HYDIN: variants seen among roughly 807,000 people sequenced by gnomAD.
HYDIN encodes the protein axonemal central pair apparatus protein HYDIN.
A neutral mutation model predicts 403.9 loss-of-function variants in HYDIN; 132 were observed. The ratio of observed to expected loss-of-function variants is 0.33; its 90% CI spans 0.28 to 0.38. The LOEUF (loss-of-function observed/expected upper bound fraction) is 0.38. Among genes scored for constraint, HYDIN ranks in the 10% least tolerant of loss-of-function variants. The pLI, the probability that HYDIN is intolerant of heterozygous loss-of-function variation, is 1.00. For synonymous variants in HYDIN, 1,202 were observed against 1,891.7 expected (o/e 0.64, Z 9.46); for missense variants, 2,827 against 5,009.5 (o/e 0.56, Z 13.15).
chr16:71,105,564 CAGAA>C (rs1320052758), intron 10 of HYDIN, among the ~76,000 whole-genome samples: 1 of 80,538 alleles, frequency 1.2e-5, no homozygotes, highest in African/African-American at 4.9e-5. Context: ...TTATGACTCA[CAGAA>C]AGCAAATGGA....
intron 75 of HYDIN, among the ~76,000 whole-genome samples, chr16:70,848,232 T>C (rs1217421527): frequency 2.1e-5 from 3 of 146,240 alleles, no homozygotes; most frequent in African/African-American, 7.6e-5. Flanking sequence ...TTCTCATACT[T>C]TGCTTTAGTT....
chr16:70,989,961 T>C (rs1158282750), intron 25 of HYDIN, among the ~76,000 whole-genome samples: 1 of 152,210 alleles, frequency 6.6e-6, no homozygotes. Context: ...GTTTGAGAGA[T>C]AACACAGTAG....
intron 84 of HYDIN, chr16:70,817,001 C>G (rs1450553906): frequency 7.4e-6 from 1 of 134,536 alleles, no homozygotes; most frequent in East Asian, 2.0e-4. Context: ...GAGAAAATGC[C>G]TGACTCTATA....
chr16:70,868,853 G>T (rs1290291691), intron 65 of HYDIN, 65 bp from the exon 66 acceptor site: 2 of 1,495,708 alleles, frequency 1.3e-6, no homozygotes, highest in East Asian at 2.5e-5. Context: ...ATACCTGCTG[G>T]TGATATTCTA....
rs764543428 is a variant in HYDIN at position 71,184,848 on chromosome 16, C to T, written c.261+17G>A. 6.3e-6 allele frequency: 10 copies of T among 1,584,352 alleles called. No homozygotes were observed. The highest frequency in any genetic ancestry group is 4.5e-5 in the East Asian group (2 of 44,246). On this transcript the variant is annotated intron_variant, in intron 3 of 85. Transcript: ENST00000393567. Reference sequence around the variant, plus strand: ...CCAGGGCCCACTTTATATGTAAGTACGACAGAGAGCAGCTACCTTCTGATG... The same window carrying T: ...CCAGGGCCCACTTTATATGTAAGTATGACAGAGAGCAGCTACCTTCTGATG...
intron 23 of HYDIN, among the ~76,000 whole-genome samples, chr16:71,011,778 G>A (rs371266090): frequency 2.6e-5 from 4 of 151,116 alleles, no homozygotes; most frequent in Non-Finnish European, 5.9e-5. Context: ...TGAAGACATA[G>A]ATGGAAGCAT....
intron 45 of HYDIN, among the ~76,000 whole-genome samples, chr16:70,922,815 T>C (rs1272949030): frequency 7.2e-6 from 1 of 139,096 alleles, no homozygotes; most frequent in African/African-American, 2.7e-5. Flanking sequence ...TTAGACAAGT[T>C]GGAGTGTAGT....
intron 28 of HYDIN, among the ~76,000 whole-genome samples, chr16:70,982,551 G>A (rs2144022474): frequency 9.7e-6 from 1 of 102,828 alleles, no homozygotes; most frequent in Middle Eastern, 4.6e-3. Flanking sequence ...TAAGTAAAAT[G>A]TTAGCTGAGT....
intron 39 of HYDIN, among the ~76,000 whole-genome samples, chr16:70,956,396 G>C (rs2078237860): frequency 6.6e-6 from 1 of 152,192 alleles, no homozygotes; most frequent in African/African-American, 2.4e-5. Flanking sequence ...TATAAAAAAA[G>C]AAATAGGTGA....
intron 27 of HYDIN, among the ~76,000 whole-genome samples, chr16:70,986,470 T>C (rs1457417249): frequency 6.6e-6 from 1 of 152,224 alleles, no homozygotes; most frequent in South Asian, 2.1e-4. Flanking sequence ...ATGGAGATGG[T>C]CTCAGTAGGT....
intron 4 of HYDIN, among the ~76,000 whole-genome samples, chr16:71,178,004 G>A (rs1196495672): frequency 2.6e-5 from 4 of 152,146 alleles, no homozygotes; most frequent in Non-Finnish European, 5.9e-5. Flanking sequence ...AAACTTTGAA[G>A]GCTATCTTCT....
Position 71,012,725 on chromosome 16 carries a change from C to G in HYDIN, c.3644+5404G>C, listed in dbSNP as rs1365202445. Among the ~76,000 whole-genome samples, 4 of 152,266 alleles carry G rather than the reference C, an allele frequency of 2.6e-5. No homozygotes were observed. The East Asian group carries it at 7.7e-4, about 29-fold the overall frequency. ...ACTAACTGTAAGGCTTAGAAGAATC[C>G]TAACTGGATAAGAAAGGTTAGTGTT... On this transcript the variant is annotated intron_variant, in intron 23 of 85. Transcript: ENST00000393567.
intron 18 of HYDIN, among the ~76,000 whole-genome samples, chr16:71,045,704 A>C (rs1278956165): frequency 1.8e-5 from 2 of 109,762 alleles, no homozygotes; most frequent in Non-Finnish European, 3.8e-5. Context: ...CATGATTTAC[A>C]CAGTGCTAGG....
chr16:71,164,673 C>T (rs2086141997), intron 5 of HYDIN, among the ~76,000 whole-genome samples: 1 of 86,252 alleles, frequency 1.2e-5, no homozygotes, highest in African/African-American at 4.9e-5. Context: ...TAACCAGCTG[C>T]CCAGTCAGCA....
intron 6 of HYDIN, 42 bp from the exon 7 acceptor site, chr16:71,152,825 A>C: frequency 6.3e-7 from 1 of 1,587,390 alleles, no homozygotes; most frequent in African/African-American, 1.3e-5. Context: ...CATATTTCTG[A>C]CTAGTGTGAG....
At chr16:71,071,611 A>G (rs971011137) in intron 13 of HYDIN, among the ~76,000 whole-genome samples, 18 of 151,522 alleles carry the variant, frequency 1.2e-4, no homozygotes, top group African/African-American at 4.4e-4. Flanking sequence ...TTTAAAACAC[A>G]ACATTCTCAA....
At chr16:71,079,193 T>A (rs1020459060) in intron 13 of HYDIN, among the ~76,000 whole-genome samples, 26 of 152,254 alleles carry the variant, frequency 1.7e-4, no homozygotes, top group African/African-American at 4.8e-4. Context: ...TGAAAGAGCA[T>A]CCAGTTGCAC....
intron 1 of HYDIN, among the ~76,000 whole-genome samples, chr16:71,194,531 T>G (rs965185848): frequency 1.1e-4 from 17 of 152,222 alleles, no homozygotes; most frequent in Admixed American, 7.2e-4. Flanking sequence ...GACCTAGGTT[T>G]AAATCTTTTT....
chr16:71,001,016 CCTT>C (rs1209811888), intron 23 of HYDIN, among the ~76,000 whole-genome samples: 3 of 146,272 alleles, frequency 2.1e-5, no homozygotes, highest in African/African-American at 7.6e-5. Flanking sequence ...TCATTGCTGA[CCTT>C]CTGCAGGGGC....
Sources: gnomAD v4.1 joint callset for allele counts (sites outside exome capture counted in the v4.1 genomes callset) on GRCh38, gnomAD v4.1.1 for gene constraint, MANE v1.5 for transcripts, NCBI Gene and HGNC (gene_info 2026-07-23, HGNC 2026-07-21) for gene names.